The following FBXL7 variants were observed in gnomAD, a reference collection of about 807,000 sequenced individuals.
FBXL7 encodes the protein F-box/LRR-repeat protein 7.
Under a neutral mutation model 38.3 loss-of-function variants are expected in FBXL7, and 12 were observed. That is an observed-to-expected ratio of 0.31 (90% CI 0.20 to 0.51). FBXL7 has a LOEUF of 0.51. Among genes scored for constraint, FBXL7 ranks in the 20% least tolerant of loss-of-function variants. FBXL7 has a pLI of 0.98. For synonymous variants in FBXL7, 297 were observed against 300.9 expected (o/e 0.99, Z 0.13); for missense variants, 567 against 676.4 (o/e 0.84, Z 1.79).
intron 1 of FBXL7, among the ~76,000 whole-genome samples, chr5:15,537,803 C>T (rs1737630248): frequency 6.6e-6 from 1 of 152,228 alleles, no homozygotes; most frequent in African/African-American, 2.4e-5. Context: ...AGCCAGGGGC[C>T]ACTGGTTTTA....
intron 2 of FBXL7, among the ~76,000 whole-genome samples, chr5:15,921,050 A>G (rs1407017156): frequency 6.6e-6 from 1 of 152,106 alleles, no homozygotes; most frequent in South Asian, 2.1e-4. Flanking sequence ...TTTTAATAAA[A>G]TTTTACGATT....
At chr5:15,809,560 T>C (rs1737803243) in intron 2 of FBXL7, among the ~76,000 whole-genome samples, 1 of 152,108 alleles carries the variant, frequency 6.6e-6, no homozygotes, top group Non-Finnish European at 1.5e-5. Context: ...CCTTTAGTAT[T>C]ATCACCAGAG....
At chr5:15,554,423 G>C (rs149475848) in intron 1 of FBXL7, among the ~76,000 whole-genome samples, 7 of 152,118 alleles carry the variant, frequency 4.6e-5, no homozygotes, top group African/African-American at 1.4e-4. Flanking sequence ...CTCCTTATTT[G>C]CCAGTCATTC....
intron 2 of FBXL7, among the ~76,000 whole-genome samples, chr5:15,764,006 CTGCTGGTGT>C (rs1736521169): frequency 6.6e-6 from 1 of 152,170 alleles, no homozygotes; most frequent in Non-Finnish European, 1.5e-5. Context: ...ACTTAGAGGA[CTGCTGGTGT>C]AAGCCCCAGA....
At position 15,888,836 on chromosome 5, in the gene FBXL7, A is replaced by C. The variant is rs62348082; in HGVS notation, c.128-39054A>C. On this transcript the variant is annotated intron_variant, in intron 2 of 3. Transcript: ENST00000504595. ...AAATTTGGTGAAAACATTTTGGATA[A>C]ATTGAAATTACTTGAATAGTGATAT... Among the ~76,000 whole-genome samples the C allele has an allele frequency of 6.6e-4, 101 of 152,318 alleles. 1 individual carries two copies. The highest frequency in any genetic ancestry group is 1.0e-3 in the Non-Finnish European group (70 of 68,034).
chr5:15,664,786 C>T (rs953588533), intron 2 of FBXL7, among the ~76,000 whole-genome samples: 31 of 151,820 alleles, frequency 2.0e-4, no homozygotes, highest in African/African-American at 6.8e-4. Context: ...TTTCTTCAAG[C>T]GTCCTAACTC....
intron 2 of FBXL7, among the ~76,000 whole-genome samples, chr5:15,819,993 C>T (rs1156357766): frequency 6.6e-6 from 1 of 152,150 alleles, no homozygotes; most frequent in Non-Finnish European, 1.5e-5. Context: ...GGCCAGGCTG[C>T]CTCCATATTG....
At chr5:15,911,576 G>A (rs1371599617) in intron 2 of FBXL7, among the ~76,000 whole-genome samples, 6 of 98,318 alleles carry the variant, frequency 6.1e-5, no homozygotes, top group African/African-American at 2.0e-4. Context: ...GAGGAACTGC[G>A]TTCCTTTGGA....
intron 2 of FBXL7, among the ~76,000 whole-genome samples, chr5:15,650,977 T>C (rs1741688411): frequency 6.6e-6 from 1 of 152,204 alleles, no homozygotes; most frequent in African/African-American, 2.4e-5. Flanking sequence ...GCTCCTTGAG[T>C]CATGTTCTTA....
At chr5:15,854,038 CA>C (rs1739181611) in intron 2 of FBXL7, among the ~76,000 whole-genome samples, 1 of 152,164 alleles carries the variant, frequency 6.6e-6, no homozygotes, top group Non-Finnish European at 1.5e-5. Flanking sequence ...CTAAAATATT[CA>C]GTAGAATAAA....
Position 15,932,448 on chromosome 5 carries a change from G to A in FBXL7, c.739+3947G>A, listed in dbSNP as rs569937056. On this transcript the variant is annotated intron_variant, in intron 3 of 3. Transcript: ENST00000504595. ...TAATAAAGAGCATATTTGTGAAAGCGGAATGAAATCTGGGATTAACTGAAG... is the reference window on the plus strand; with the variant it reads ...TAATAAAGAGCATATTTGTGAAAGCAGAATGAAATCTGGGATTAACTGAAG... Among the ~76,000 whole-genome samples the A allele has an allele frequency of 1.1e-4, 16 of 152,202 alleles. 1 individual carries two copies. In the South Asian group the frequency reaches 1.2e-3, roughly 12 times the overall value.
intron 2 of FBXL7, among the ~76,000 whole-genome samples, chr5:15,839,186 C>A (rs1738676746): frequency 6.6e-6 from 1 of 151,438 alleles, no homozygotes; most frequent in Admixed American, 6.6e-5. Context: ...ATTTCTTTCT[C>A]CTTTTCATAA....
In FBXL7 at chr5:15,763,520, G is replaced by A. The variant is rs145665596; in HGVS notation, c.127+147448G>A. On this transcript the variant is annotated intron_variant, in intron 2 of 3. Coordinates refer to ENST00000504595, the MANE Select transcript of FBXL7 (RefSeq NM_012304.5). ...TGGTCTTTTGTTGAGAGACTACATC[G>A]AATATAATTTGTGGTAAGTCCCATA... is the stretch of plus-strand genomic sequence containing the variant. Among the ~76,000 whole-genome samples the A allele has an allele frequency of 2.3e-3, 355 of 152,218 alleles. 3 individuals are homozygous for A. Among genetic ancestry groups the A allele is most frequent in the African/African-American group, 8.1e-3 (337 of 41,532 alleles).
At chr5:15,818,394 T>G (rs1459503838) in intron 2 of FBXL7, among the ~76,000 whole-genome samples, 1 of 152,188 alleles carries the variant, frequency 6.6e-6, no homozygotes, top group Non-Finnish European at 1.5e-5. Context: ...CATTTCTAAG[T>G]TTTTTGGCTA....
At chr5:15,733,047 C>T (rs1471194969) in intron 2 of FBXL7, among the ~76,000 whole-genome samples, 2 of 152,118 alleles carry the variant, frequency 1.3e-5, no homozygotes, top group Non-Finnish European at 1.5e-5. Flanking sequence ...AAAATAGTAT[C>T]CAGTGCCTTG....
At chr5:15,574,276 A>G (rs1017247585) in intron 1 of FBXL7, among the ~76,000 whole-genome samples, 2 of 152,244 alleles carry the variant, frequency 1.3e-5, no homozygotes, top group African/African-American at 4.8e-5. Context: ...CCTCCACTGT[A>G]AAAGTGCAGA....
At chr5:15,806,432 A>C (rs1737713962) in intron 2 of FBXL7, among the ~76,000 whole-genome samples, 1 of 152,184 alleles carries the variant, frequency 6.6e-6, no homozygotes, top group Non-Finnish European at 1.5e-5. Context: ...CTGAAAAAAA[A>C]ATAGTATCAA....
At chr5:15,780,824 G>A (rs1033775537) in intron 2 of FBXL7, among the ~76,000 whole-genome samples, 1 of 152,160 alleles carries the variant, frequency 6.6e-6, no homozygotes, top group Non-Finnish European at 1.5e-5. Flanking sequence ...ACCAGAGCAG[G>A]CATTGAGTCA....
At chr5:15,583,189 T>C (rs1214533739) in intron 1 of FBXL7, among the ~76,000 whole-genome samples, 1 of 152,082 alleles carries the variant, frequency 6.6e-6, no homozygotes, top group East Asian at 1.9e-4. Flanking sequence ...TCACTCATTA[T>C]CACAAGAACA....
Sources: allele counts gnomAD v4.1 joint callset (sites outside exome capture counted in the v4.1 genomes callset), GRCh38; gene constraint gnomAD v4.1.1; transcripts MANE v1.5; gene names NCBI Gene and HGNC (gene_info 2026-07-23, HGNC 2026-07-21).